Variants in VPS13D observed in about 807,000 individuals in gnomAD.
VPS13D encodes vacuolar protein sorting 13 homolog D.
In VPS13D, 187 loss-of-function variants were observed where a neutral mutation model predicts 461.9. The ratio of observed to expected loss-of-function variants is 0.40; its 90% CI spans 0.36 to 0.46. VPS13D has a LOEUF of 0.46. Among genes scored for constraint, VPS13D ranks in the 20% least tolerant of loss-of-function variants. The pLI is 0.60. For synonymous variants in VPS13D, 1,951 were observed against 1,986.3 expected, an observed-to-expected ratio of 0.98 and a Z score of 0.47; for missense variants, 4,711 against 5,364.9, an observed-to-expected ratio of 0.88 and a Z score of 3.81.
intron 61 of VPS13D, among the ~76,000 whole-genome samples, chr1:12,400,961 C>T (rs921079683): frequency 4.0e-4 from 18 of 44,894 alleles, no homozygotes; most frequent in African/African-American, 1.0e-3. Context: ...CCTGCGCGCG[C>T]GCACACACAC....
At chr1:12,303,474 A>AAT (rs1310102271) in intron 25 of VPS13D, among the ~76,000 whole-genome samples, 3 of 152,254 alleles carry the variant, frequency 2.0e-5, no homozygotes, top group Non-Finnish European at 4.4e-5. Flanking sequence ...ACAGAGTTTA[A>AAT]ATAAACTAAG....
chr1:12,474,349 G>C (rs145113875), intron 67 of VPS13D, among the ~76,000 whole-genome samples: 2 of 152,286 alleles, frequency 1.3e-5, no homozygotes, highest in East Asian at 3.9e-4. Flanking sequence ...CCACTGTTCA[G>C]TATTATTTAA....
At chr1:12,240,526 C>A (rs892951371) in intron 2 of VPS13D, among the ~76,000 whole-genome samples, 1 of 131,348 alleles carries the variant, frequency 7.6e-6, no homozygotes, top group African/African-American at 2.9e-5. Context: ...ACCCAGGAGG[C>A]GGAGTTTGCA....
intron 16 of VPS13D, among the ~76,000 whole-genome samples, chr1:12,270,433 A>G (rs1485572347): frequency 6.6e-6 from 1 of 152,176 alleles, no homozygotes. Context: ...CCTAGGAGAC[A>G]GAGCGGGACT....
chr1:12,348,483 A>C (rs1207641557), intron 44 of VPS13D, among the ~76,000 whole-genome samples: 1 of 152,234 alleles, frequency 6.6e-6, no homozygotes, highest in Non-Finnish European at 1.5e-5. Context: ...AATTACAGGA[A>C]GTTTGGAAAA....
chr1:12,461,813 G>A (rs1274417396), intron 67 of VPS13D, among the ~76,000 whole-genome samples: 1 of 152,194 alleles, frequency 6.6e-6, no homozygotes, highest in Non-Finnish European at 1.5e-5. Flanking sequence ...GTGCTGTGAA[G>A]TTTTAATAAT....
At chr1:12,278,069 G>T (rs1641668485) in intron 19 of VPS13D, 31 bp downstream of exon 19, 3 of 1,559,974 alleles carry the variant, frequency 1.9e-6, no homozygotes, top group Non-Finnish European at 2.6e-6. Context: ...GTTCTATTTT[G>T]TTTAATGATT....
chr1:12,322,503 T>G, intron 33 of VPS13D, 33 bp from the exon 34 acceptor site: 1 of 1,608,920 alleles, frequency 6.2e-7, no homozygotes, highest in Non-Finnish European at 8.5e-7. Flanking sequence ...AATGCAGCTT[T>G]AAAAAATTGC....
At chr1:12,452,550 T>TA (rs1645276177) in intron 65 of VPS13D, among the ~76,000 whole-genome samples, 1 of 152,222 alleles carries the variant, frequency 6.6e-6, no homozygotes, top group Admixed American at 6.5e-5. Flanking sequence ...GGGCAGGACT[T>TA]ACCTTCCCAC....
At position 12,505,633 on chromosome 1, in the gene VPS13D, G is replaced by C. The variant is rs1330656680; in HGVS notation, c.12795-1220G>C. Among the ~76,000 whole-genome samples the C allele has an allele frequency of 1.3e-5, 2 of 152,248 alleles. No individual in the cohort carries two copies. Among genetic ancestry groups the C allele is most frequent in the Non-Finnish European group, 2.9e-5 (2 of 68,048 alleles). On this transcript the variant is annotated intron_variant, in intron 68 of 69. Transcript: ENST00000620676. The surrounding 1 kb of genome is among the most constrained non-coding windows in gnomAD (Gnocchi z 4.2). ...GAGGGCTCACCTCGTAGTCAGCAAA[G>C]AGACTTATCCAGGACATGTGGAAAG...
chr1:12,277,636 C>T lies in VPS13D; in HGVS notation c.4048C>T (p.Arg1350Trp), dbSNP rs376825492. ...VSLFETPRKT[R>W]EPFILEENEI... ...GCTCTTTGAAACTCCAAGGAAGACT[C>T]GGGAACCCTTTATCTTAGAGGAAAA... The change falls in exon 19 of 70, where the codon CGG (arginine) becomes TGG (tryptophan). Residue 1350 changes from arginine (R) to tryptophan (W), a missense_variant. Transcript: ENST00000620676. 23 of 1,613,868 alleles carry T rather than the reference C, an allele frequency of 1.4e-5. No homozygotes were observed. Among genetic ancestry groups the T allele is most frequent in the South Asian group, 1.2e-4 (11 of 91,072 alleles).
chr1:12,377,200 C>T (rs148484022), intron 55 of VPS13D, among the ~76,000 whole-genome samples: 32 of 151,982 alleles, frequency 2.1e-4, no homozygotes, highest in African/African-American at 7.2e-4. Flanking sequence ...GCTGGGATTA[C>T]AGGCATGCGC....
chr1:12,345,970 C>G (rs947187753), intron 43 of VPS13D, among the ~76,000 whole-genome samples: 4 of 152,138 alleles, frequency 2.6e-5, no homozygotes, highest in Admixed American at 1.3e-4. Flanking sequence ...TCTCACATAC[C>G]CTTCCTGCCT....
intron 55 of VPS13D, among the ~76,000 whole-genome samples, 166 bp downstream of exon 55, chr1:12,374,024 G>C (rs1644162662): frequency 6.6e-6 from 1 of 152,202 alleles, no homozygotes; most frequent in Admixed American, 6.5e-5. Flanking sequence ...ATGAGTACCA[G>C]CTCAGGAGTA....
Position 12,299,414 on chromosome 1 carries a change from G to A in VPS13D, c.6216+30G>A, listed in dbSNP as rs777451253. The A allele has an allele frequency of 8.3e-6, 13 of 1,570,386 alleles. No individual in the cohort carries two copies. Among genetic ancestry groups the A allele is most frequent in the East Asian group, 6.8e-5 (3 of 44,380 alleles). ...GCAATCAGTATCCATTTCCTTTTCC[G>A]TTCAGCTAGTATTTGATCACTAATT... On this transcript the variant is annotated intron_variant, in intron 25 of 69. Transcript: ENST00000620676. This position sits in a 1 kb window ranked among gnomAD's most constrained non-coding sequence, Gnocchi z 4.2.
intron 63 of VPS13D, among the ~76,000 whole-genome samples, chr1:12,405,109 G>T (rs908902889): frequency 6.6e-6 from 1 of 152,234 alleles, no homozygotes. Context: ...GCGATGCAGC[G>T]AGTGGAGCTG....
At chr1:12,272,880 G>A in intron 17 of VPS13D, 123 bp from the exon 18 acceptor site, 1 of 1,363,116 alleles carries the variant, frequency 7.3e-7, no homozygotes, top group Non-Finnish European at 9.9e-7. Flanking sequence ...ACTTTTTGCT[G>A]TAATACATTA....
rs753467896 is a variant in VPS13D, at chr1:12,283,670, G to C, written c.5568G>C (p.Lys1856Asn). 6.2e-7 allele frequency: 1 copy of C among 1,614,196 alleles called. No individual in the cohort carries two copies. Among genetic ancestry groups the C allele is most frequent in the Non-Finnish European group, 8.5e-7 (1 of 1,180,020 alleles). Residue 1856 changes from lysine (K) to asparagine (N), a missense_variant, in exon 21 of 70, where the codon AAG (lysine) becomes AAC (asparagine). Lys to Asn is a moderately conservative substitution (Grantham distance 94, BLOSUM62 0). Coordinates refer to ENST00000620676, the MANE Select transcript of VPS13D (RefSeq NM_015378.4). ...LPPEGILHNVKLEPHASMESG... is the reference protein window; with the variant it reads ...LPPEGILHNVNLEPHASMESG... ...CTGAGGGCATTCTGCACAACGTGAA[G>C]TTGGAGCCACATGCCTCCATGGAGT...
At chr1:12,273,275 C>G in intron 18 of VPS13D, 140 bp downstream of exon 18, 3 of 1,081,914 alleles carry the variant, frequency 2.8e-6, no homozygotes, top group Non-Finnish European at 2.6e-6. Context: ...TCATCTGTAA[C>G]TTTTTAAATA....
Sources: gnomAD v4.1 joint callset for allele counts (sites outside exome capture counted in the v4.1 genomes callset) on GRCh38, gnomAD v4.1.1 for gene constraint, Gnocchi (gnomAD v3.1) non-coding constraint, MANE v1.5 for transcripts, NCBI Gene and HGNC (gene_info 2026-07-23, HGNC 2026-07-21) for gene names.